IDNK: variants seen among roughly 807,000 people sequenced by gnomAD.
The protein encoded by IDNK is IDNK gluconokinase.
In IDNK, 9 loss-of-function variants were observed where a neutral mutation model predicts 13.0. The ratio of observed to expected loss-of-function variants is 0.69; its 90% CI spans 0.42 to 1.21. The LOEUF (loss-of-function observed/expected upper bound fraction) is 1.21, where lower values mean the gene tolerates loss of function less well. Among genes scored for constraint, IDNK ranks in the 50% most tolerant of loss-of-function variants. IDNK has a pLI of 0.00. For synonymous variants in IDNK, 92 were observed against 94.9 expected (o/e 0.97, Z 0.18); for missense variants, 210 against 237.8 (o/e 0.88, Z 0.77).
chr9:83,639,908 C>T (rs779756148), intron 3 of IDNK, among the ~76,000 whole-genome samples: 2 of 152,148 alleles, frequency 1.3e-5, no homozygotes, highest in African/African-American at 2.4e-5. Context: ...CAGATACGAA[C>T]TGTGTTCAAG....
chr9:83,635,201 C>T (rs1831131797), intron 3 of IDNK, among the ~76,000 whole-genome samples: 1 of 152,214 alleles, frequency 6.6e-6, no homozygotes, highest in African/African-American at 2.4e-5. Context: ...ATGGATTCAT[C>T]TGTCATGTGA....
chr9:83,630,151 G>C (rs907824576), intron 3 of IDNK, among the ~76,000 whole-genome samples: 1 of 152,144 alleles, frequency 6.6e-6, no homozygotes, highest in African/African-American at 2.4e-5. Flanking sequence ...TGTGCCTTGA[G>C]CCATTAAACC....
chr9:83,628,122 G>T, intron 1 of IDNK, 59 bp from the exon 2 acceptor site: 1 of 1,549,418 alleles, frequency 6.5e-7, no homozygotes. Flanking sequence ...TCCTTGCACA[G>T]AAGGAAGCTC....
intron 3 of IDNK, 124 bp from the exon 4 acceptor site, chr9:83,641,424 C>A: frequency 9.5e-7 from 1 of 1,051,478 alleles, no homozygotes; most frequent in South Asian, 1.4e-5. Flanking sequence ...ATGGCCCACT[C>A]CTCACACCAC....
chr9:83,627,878 ATT>A (rs1219380581), intron 1 of IDNK: 4 of 87,272 alleles, frequency 4.6e-5, no homozygotes, highest in African/African-American at 1.4e-4. Flanking sequence ...AAAAAAAAAA[ATT>A]ACACAACAGG....
intron 3 of IDNK, 59 bp downstream of exon 3, chr9:83,629,018 G>C: frequency 7.4e-7 from 1 of 1,352,254 alleles, no homozygotes; most frequent in Non-Finnish European, 1.1e-6. Flanking sequence ...GGATGAGCTC[G>C]CTACAGCACT....
chr9:83,623,149 C>T lies in IDNK; in HGVS notation c.-23C>T. 4 of 1,411,120 alleles carry T rather than the reference C, an allele frequency of 2.8e-6. No individual in the cohort carries two copies. The highest frequency in any genetic ancestry group is 1.6e-5 in the South Asian group (1 of 62,696). The allele number at this position is 1,411,120 out of a possible 1,614,324, so 87.4% of individuals were successfully genotyped here. On this transcript the variant is annotated 5_prime_UTR_variant, in exon 1 of 5. The change creates a new upstream start codon in the 5' untranslated region. Transcript: ENST00000376419. ...GGGGCCGGCGGGGCCCGGAAGGCGA[C>T]GGGAAGGAGCCGAGCTTGGGTTATG... is the stretch of plus-strand genomic sequence containing the variant.
intron 3 of IDNK, among the ~76,000 whole-genome samples, chr9:83,633,810 TCTC>T (rs1221671684): frequency 2.6e-5 from 4 of 152,176 alleles, no homozygotes; most frequent in East Asian, 1.9e-4. Flanking sequence ...AGATCATACT[TCTC>T]CTACTGTGTT....
At chr9:83,632,847 A>C (rs1234413472) in intron 3 of IDNK, among the ~76,000 whole-genome samples, 1 of 152,142 alleles carries the variant, frequency 6.6e-6, no homozygotes, top group Admixed American at 6.5e-5. Context: ...ATTTGCTCTA[A>C]TATCTCCTTC....
intron 3 of IDNK, among the ~76,000 whole-genome samples, chr9:83,633,077 C>T (rs1587612132): frequency 1.3e-5 from 2 of 151,672 alleles, no homozygotes; most frequent in Admixed American, 6.6e-5. Flanking sequence ...CAGTGGCTCA[C>T]GCCTGTAATC....
intron 3 of IDNK, among the ~76,000 whole-genome samples, chr9:83,629,631 C>T (rs1470755991): frequency 6.6e-6 from 1 of 152,228 alleles, no homozygotes; most frequent in Non-Finnish European, 1.5e-5. Flanking sequence ...ATCTCAGCAC[C>T]CATGCTGCTT....
intron 3 of IDNK, among the ~76,000 whole-genome samples, chr9:83,637,029 T>TA (rs746285062): frequency 2.6e-5 from 4 of 152,248 alleles, no homozygotes; most frequent in Non-Finnish European, 5.9e-5. Flanking sequence ...TTTCATTTGT[T>TA]AAGTACATTT....
chr9:83,632,211 C>A (rs1831037674), intron 3 of IDNK, among the ~76,000 whole-genome samples: 1 of 152,086 alleles, frequency 6.6e-6, no homozygotes, highest in Non-Finnish European at 1.5e-5. Context: ...CATTCCCACT[C>A]CCCATCTTCC....
chr9:83,624,853 A>G (rs537240821), intron 1 of IDNK, among the ~76,000 whole-genome samples: 1 of 152,114 alleles, frequency 6.6e-6, no homozygotes, highest in African/African-American at 2.4e-5. Flanking sequence ...AGCTGGGATT[A>G]TAGGCGCCCA....
At chr9:83,628,784 T>G (rs934337584) in intron 2 of IDNK, 89 bp from the exon 3 acceptor site, 32 of 920,846 alleles carry the variant, frequency 3.5e-5, no homozygotes, top group Non-Finnish European at 2.0e-5. Flanking sequence ...GGTGGTATTG[T>G]TTCTACACCT....
chr9:83,623,164 C>G lies in IDNK; in HGVS notation c.-8C>G. The stretch of plus-strand genomic sequence containing the variant: ...CGGAAGGCGACGGGAAGGAGCCGAG[C>G]TTGGGTTATGGCGGCGCCGGGCGCG... On this transcript the variant is annotated 5_prime_UTR_variant, in exon 1 of 5. Transcript: ENST00000376419. 4.2e-6 allele frequency: 6 copies of G among 1,419,870 alleles called. No individual in the cohort carries two copies. The South Asian group carries it at 9.3e-5, about 22-fold the overall frequency. The allele number at this position is 1,419,870 out of a possible 1,614,324, so 88.0% of individuals were successfully genotyped here. A position where few individuals can be genotyped will look rare whatever the true frequency, so the allele number is the denominator to read the frequency against.
chr9:83,636,630 T>C (rs1300039355), intron 3 of IDNK, among the ~76,000 whole-genome samples: 1 of 152,208 alleles, frequency 6.6e-6, no homozygotes, highest in East Asian at 1.9e-4. Flanking sequence ...TCATATATTC[T>C]AACATTAATA....
rs1830933916 is a variant in IDNK, at chr9:83,628,883, A to G, written c.92A>G (p.Lys31Arg). Residue 31 changes from lysine to arginine, a missense_variant, in exon 3 of 5, where the codon AAA becomes AGA. Lys to Arg is a conservative substitution (Grantham distance 26). Coordinates refer to ENST00000376419, the MANE Select transcript of IDNK (RefSeq NM_001001551.4). The stretch of plus-strand genomic sequence containing the variant: ...ACTTTGTTCTTAAAGCTGGGATGGA[A>G]ATTCTATGATGCTGATGATTATCAC... ...GALLASELGW[K>R]FYDADDYHPE... 1 of 1,613,836 alleles carries G rather than the reference A, an allele frequency of 6.2e-7. No individual in the cohort carries two copies.
intron 3 of IDNK, among the ~76,000 whole-genome samples, chr9:83,636,271 G>A (rs1009808242): frequency 6.6e-6 from 1 of 152,134 alleles, no homozygotes; most frequent in East Asian, 1.9e-4. Context: ...CACACAATCA[G>A]CACTTATAAA....
Sources: allele counts gnomAD v4.1 joint callset (sites outside exome capture counted in the v4.1 genomes callset), GRCh38; gene constraint gnomAD v4.1.1; transcripts MANE v1.5; gene names NCBI Gene and HGNC (gene_info 2026-07-23, HGNC 2026-07-21).